The following CSMD1 variants were observed in gnomAD, a reference collection of about 807,000 sequenced individuals.
CSMD1 encodes the protein CUB and Sushi multiple domains 1.
In CSMD1, 213 loss-of-function variants were observed where a neutral mutation model predicts 417.5. That is an observed-to-expected ratio of 0.51 (90% CI 0.46 to 0.57). CSMD1 has a LOEUF of 0.57. Ranked by LOEUF, CSMD1 falls within the 20% of genes least tolerant of loss-of-function variation. CSMD1 has a pLI of 0.00. For missense variants in CSMD1, 6,923 were observed against 4,529.7 expected (o/e 1.53, Z -15.17); for synonymous variants, 2,862 against 1,736.8 (o/e 1.65, Z -16.11).
chr8:4,388,575 TA>T lies in CSMD1; in HGVS notation c.415+31377del, dbSNP rs762624696. Among the ~76,000 whole-genome samples, 165 of 151,994 alleles carry T rather than the reference TA, an allele frequency of 1.1e-3. 1 individual carries two copies. The highest frequency in any genetic ancestry group is 1.4e-3 in the Non-Finnish European group (95 of 67,952). ...GGGGGAAGGGTGGGGGGGTGATGGA[TA>T]AAAGACTGCAAATAGGGTACAGTGT... On this transcript the variant is annotated intron_variant, in intron 3 of 69. Transcript: ENST00000635120.
chr8:4,862,522 C>T (rs144191638), intron 1 of CSMD1, among the ~76,000 whole-genome samples: 6 of 151,710 alleles, frequency 4.0e-5, no homozygotes, highest in East Asian at 1.9e-4. Context: ...GTGGTTTGGA[C>T]GAAGAAGAGT....
rs568270277 is a variant in CSMD1, at chr8:3,703,212, G to C, written c.1009+5202C>G. ...AGAGTCGCCCTCACCGCACAGAAGAGTTGAAATATCTCTAAAGACTACAGT... is the reference window on the plus strand; with the variant it reads ...AGAGTCGCCCTCACCGCACAGAAGACTTGAAATATCTCTAAAGACTACAGT... On this transcript the variant is annotated intron_variant, in intron 7 of 69. Transcript: ENST00000635120. Among the ~76,000 whole-genome samples the C allele has an allele frequency of 5.3e-5, 8 of 152,284 alleles. No homozygotes were observed. In the South Asian group the frequency reaches 1.7e-3, roughly 32 times the overall value.
chr8:4,061,566 C>T (rs1048882350), intron 3 of CSMD1, among the ~76,000 whole-genome samples: 4 of 152,254 alleles, frequency 2.6e-5, no homozygotes, highest in East Asian at 3.9e-4. Flanking sequence ...AACCCTCATG[C>T]TCTTGACTAT....
chr8:3,593,451 G>C (rs962570733), intron 8 of CSMD1, among the ~76,000 whole-genome samples: 3 of 152,174 alleles, frequency 2.0e-5, no homozygotes, highest in Non-Finnish European at 2.9e-5. Flanking sequence ...TTATGACTGG[G>C]AGTGAGTGGC....
intron 7 of CSMD1, among the ~76,000 whole-genome samples, chr8:3,635,819 A>AGAAG (rs1563219691): frequency 2.7e-4 from 41 of 150,404 alleles, no homozygotes; most frequent in Non-Finnish European, 5.0e-4. Flanking sequence ...AAAAAAAGAA[A>AGAAG]GAAAGAAAGA....
chr8:4,088,966 C>T (rs1800574418), intron 3 of CSMD1, among the ~76,000 whole-genome samples: 1 of 152,150 alleles, frequency 6.6e-6, no homozygotes, highest in African/African-American at 2.4e-5. Flanking sequence ...AAGGGTCACA[C>T]ACCCCTGTTC....
At chr8:4,675,473 A>C (rs1392005023) in intron 1 of CSMD1, among the ~76,000 whole-genome samples, 1 of 152,190 alleles carries the variant, frequency 6.6e-6, no homozygotes, top group Non-Finnish European at 1.5e-5. Context: ...ATAAAGAACA[A>C]TACACGGATA....
intron 1 of CSMD1, among the ~76,000 whole-genome samples, chr8:4,923,338 G>A (rs1367601352): frequency 6.6e-6 from 1 of 152,180 alleles, no homozygotes; most frequent in Middle Eastern, 3.4e-3. Context: ...AGCATGAACA[G>A]TTAACTTCTT....
At chr8:4,302,537 G>C (rs934583676) in intron 3 of CSMD1, among the ~76,000 whole-genome samples, 1 of 152,082 alleles carries the variant, frequency 6.6e-6, no homozygotes, top group African/African-American at 2.4e-5. Flanking sequence ...CAGATTAAGA[G>C]ACCGTCTTGA....
intron 3 of CSMD1, among the ~76,000 whole-genome samples, chr8:4,036,910 T>G (rs1282399785): frequency 6.6e-6 from 1 of 152,092 alleles, no homozygotes; most frequent in Non-Finnish European, 1.5e-5. Context: ...GTTTGCATGT[T>G]AGGCTCATTG....
rs912814807 is a variant in CSMD1, at chr8:4,863,284, C to A, written c.85+131048G>T. ...ATACATATACAAATTTTTAGAACGG[C>A]GCATGGTATATAAAAAGCTCTCAAT... On this transcript the variant is annotated intron_variant, in intron 1 of 69. Coordinates refer to ENST00000635120, the MANE Select transcript of CSMD1 (RefSeq NM_033225.6). Among the ~76,000 whole-genome samples, 3 of 151,898 alleles carry A rather than the reference C, an allele frequency of 2.0e-5. No homozygotes were observed. The East Asian group carries it at 5.8e-4, about 29-fold the overall frequency.
At chr8:3,668,357 G>C (rs926620674) in intron 7 of CSMD1, among the ~76,000 whole-genome samples, 2 of 152,108 alleles carry the variant, frequency 1.3e-5, no homozygotes, top group African/African-American at 2.4e-5. Flanking sequence ...TGTGCATGAC[G>C]GATGGAGTCC....
At chr8:4,465,210 A>C (rs146131166) in intron 2 of CSMD1, among the ~76,000 whole-genome samples, 1 of 152,176 alleles carries the variant, frequency 6.6e-6, no homozygotes, top group Non-Finnish European at 1.5e-5. Context: ...GATGCCACAT[A>C]AAGTATACAC....
chr8:4,323,958 G>C (rs1180690344), intron 3 of CSMD1, among the ~76,000 whole-genome samples: 1 of 152,170 alleles, frequency 6.6e-6, no homozygotes, highest in Non-Finnish European at 1.5e-5. Flanking sequence ...CTACTGGGCT[G>C]TCAGTGCAGC....
Position 4,003,157 on chromosome 8 carries a change from C to A in CSMD1, c.611-5047G>T, listed in dbSNP as rs1228066128. On this transcript the variant is annotated intron_variant, in intron 4 of 69. Coordinates refer to ENST00000635120, the MANE Select transcript of CSMD1 (RefSeq NM_033225.6). ...GCCTGTAGTCCCAACACTTTGGGAGCCCTAGGAGGGTGGATCACGAGGTCA... is the reference window on the plus strand; with the variant it reads ...GCCTGTAGTCCCAACACTTTGGGAGACCTAGGAGGGTGGATCACGAGGTCA... Among the ~76,000 whole-genome samples the A allele has an allele frequency of 2.6e-5, 4 of 151,880 alleles. 1 individual carries two copies. The highest frequency in any genetic ancestry group is 6.6e-5 in the Admixed American group (1 of 15,254).
At chr8:3,991,141 C>G (rs958436991) in intron 5 of CSMD1, among the ~76,000 whole-genome samples, 1 of 152,180 alleles carries the variant, frequency 6.6e-6, no homozygotes, top group African/African-American at 2.4e-5. Context: ...GAAATTGGCC[C>G]CACAGTAGAC....
chr8:4,361,070 C>G (rs1331665869), intron 3 of CSMD1, among the ~76,000 whole-genome samples: 1 of 152,146 alleles, frequency 6.6e-6, no homozygotes, highest in Non-Finnish European at 1.5e-5. Flanking sequence ...TCGTGCCCAA[C>G]AGATGTTTTG....
chr8:3,625,669 T>C (rs865884200), intron 7 of CSMD1, among the ~76,000 whole-genome samples: 4 of 152,164 alleles, frequency 2.6e-5, no homozygotes, highest in Non-Finnish European at 4.4e-5. Flanking sequence ...AATAACTCTA[T>C]TGTACATAAA....
chr8:4,196,212 AAAATAAAT>A (rs764439050), intron 3 of CSMD1, among the ~76,000 whole-genome samples: 4 of 152,104 alleles, frequency 2.6e-5, no homozygotes, highest in African/African-American at 7.2e-5. Flanking sequence ...CTCCGTTTCA[AAAATAAAT>A]AAATAAATAA....
Sources: gnomAD v4.1 joint callset for allele counts (sites outside exome capture counted in the v4.1 genomes callset) on GRCh38, gnomAD v4.1.1 for gene constraint, MANE v1.5 for transcripts, NCBI Gene and HGNC (gene_info 2026-07-23, HGNC 2026-07-21) for gene names.